CELF4: variants seen among roughly 807,000 people sequenced by gnomAD.
CELF4 encodes the protein CUGBP Elav-like family member 4, also known as CUG-BP- and ETR-3-like factor 4.
Under a neutral mutation model 59.9 loss-of-function variants are expected in CELF4, and 18 were observed. The observed-to-expected ratio is 0.30, with a 90% confidence interval of 0.21 to 0.45. CELF4 has a LOEUF of 0.45. Ranked by LOEUF, CELF4 falls within the 20% of genes least tolerant of loss-of-function variation. CELF4 has a pLI of 1.00. For missense variants in CELF4, 456 were observed against 689.0 expected (o/e 0.66, Z 3.79); for synonymous variants, 261 against 267.1 (o/e 0.98, Z 0.22).
At chr18:37,312,726 G>A (rs949309000) in intron 3 of CELF4, among the ~76,000 whole-genome samples, 2 of 152,160 alleles carry the variant, frequency 1.3e-5, no homozygotes, top group African/African-American at 4.8e-5. Context: ...TAGGGTAGGG[G>A]TAGGGTAGAC....
intron 2 of CELF4, among the ~76,000 whole-genome samples, chr18:37,387,080 G>A (rs1174664570): frequency 5.3e-5 from 8 of 152,242 alleles, no homozygotes; most frequent in Non-Finnish European, 1.2e-4. Flanking sequence ...TGGCCTCAGT[G>A]GAGGATGTGG....
chr18:37,282,291 A>G (rs1165048865), intron 3 of CELF4, among the ~76,000 whole-genome samples: 1 of 152,130 alleles, frequency 6.6e-6, no homozygotes, highest in Non-Finnish European at 1.5e-5. Context: ...CAGTCAGAGA[A>G]GCCAACAGCA....
At chr18:37,399,927 G>A (rs1429568331) in intron 2 of CELF4, among the ~76,000 whole-genome samples, 2 of 152,206 alleles carry the variant, frequency 1.3e-5, no homozygotes, top group African/African-American at 2.4e-5. Flanking sequence ...GAGCCTCACT[G>A]ATTTAGGTCC....
At chr18:37,261,442 G>T (rs898347139) in intron 10 of CELF4, among the ~76,000 whole-genome samples, 1 of 152,214 alleles carries the variant, frequency 6.6e-6, no homozygotes, top group African/African-American at 2.4e-5. Flanking sequence ...CACATGCGCG[G>T]TGTGTGGCGG....
Position 37,275,260 on chromosome 18 carries a change from A to T in CELF4, c.449-17T>A. 6.2e-7 allele frequency: 1 copy of T among 1,611,740 alleles called. No individual in the cohort carries two copies. The highest frequency in any genetic ancestry group is 8.5e-7 in the Non-Finnish European group (1 of 1,179,116). ...TTCTATCTTCTAGAACAAAATTAGG[A>T]GATGCTTACCCGGGCCAGGGACCGG... is the stretch of plus-strand genomic sequence containing the variant. On this transcript the variant is annotated splice_polypyrimidine_tract_variant and intron_variant, in intron 3 of 12. Coordinates refer to ENST00000420428, the MANE Select transcript of CELF4 (RefSeq NM_020180.4).
intron 1 of CELF4, among the ~76,000 whole-genome samples, chr18:37,551,624 C>T (rs1037652009): frequency 2.0e-5 from 3 of 152,150 alleles, no homozygotes; most frequent in Non-Finnish European, 4.4e-5. Context: ...GTGTATTGCT[C>T]GGGATGTTCA....
intron 2 of CELF4, among the ~76,000 whole-genome samples, chr18:37,376,662 G>A (rs2098973206): frequency 6.6e-6 from 1 of 152,176 alleles, no homozygotes; most frequent in Non-Finnish European, 1.5e-5. Context: ...GAATCTTGGG[G>A]TCTGGCCTCA....
intron 1 of CELF4, among the ~76,000 whole-genome samples, chr18:37,503,798 C>T (rs964428187): frequency 6.6e-6 from 1 of 152,182 alleles, no homozygotes; most frequent in African/African-American, 2.4e-5. Context: ...GCAGGGAGTA[C>T]TGAGAGCCGC....
rs74359980 is a variant in CELF4, at chr18:37,447,109, T to A, written c.369+38416A>T. On this transcript the variant is annotated intron_variant, in intron 2 of 12. Coordinates refer to ENST00000420428, the MANE Select transcript of CELF4 (RefSeq NM_020180.4). ...GTGGAATAAGAAAAGAAAAAAAAAATAATCCGATAAAGGGCAGGGTCTCAT... is the reference window on the plus strand; with the variant it reads ...GTGGAATAAGAAAAGAAAAAAAAAAAAATCCGATAAAGGGCAGGGTCTCAT... 1.3e-4 allele frequency among the ~76,000 whole-genome samples: 20 copies of A among 151,736 alleles called. 1 individual carries two copies. Among genetic ancestry groups the A allele is most frequent in the Non-Finnish European group, 2.9e-5 (2 of 67,916 alleles).
At chr18:37,371,873 A>C (rs1377376281) in intron 2 of CELF4, among the ~76,000 whole-genome samples, 1 of 152,212 alleles carries the variant, frequency 6.6e-6, no homozygotes, top group Admixed American at 6.5e-5. Context: ...GAAAGGCCAC[A>C]TGACAAGCCT....
At chr18:37,335,168 A>G (rs1035879196) in intron 2 of CELF4, among the ~76,000 whole-genome samples, 2 of 151,972 alleles carry the variant, frequency 1.3e-5, no homozygotes, top group Non-Finnish European at 2.9e-5. Flanking sequence ...ATTCCAGACA[A>G]CAGCCGCGCA....
chr18:37,508,283 A>G (rs1026461015), intron 1 of CELF4, among the ~76,000 whole-genome samples: 4 of 152,180 alleles, frequency 2.6e-5, no homozygotes, highest in African/African-American at 9.6e-5. Context: ...AGGCAGTGGC[A>G]TGTCTGTGTC....
intron 2 of CELF4, among the ~76,000 whole-genome samples, chr18:37,380,858 C>T (rs2154569372): frequency 6.8e-6 from 1 of 148,112 alleles, no homozygotes; most frequent in East Asian, 2.1e-4. Context: ...ATCCATTTAT[C>T]CATCCATCCA....
chr18:37,544,600 T>C (rs894386934), intron 1 of CELF4, among the ~76,000 whole-genome samples: 1 of 152,214 alleles, frequency 6.6e-6, no homozygotes, highest in African/African-American at 2.4e-5. Context: ...TGTGTGCTTG[T>C]ACGTATGTAT....
chr18:37,383,806 T>G lies in CELF4; in HGVS notation c.370-61925A>C, dbSNP rs2099068778. Among the ~76,000 whole-genome samples, 3 of 152,318 alleles carry G rather than the reference T, an allele frequency of 2.0e-5. No homozygotes were observed. In the South Asian group the frequency reaches 6.2e-4, roughly 32 times the overall value. On this transcript the variant is annotated intron_variant, in intron 2 of 12. Coordinates refer to ENST00000420428, the MANE Select transcript of CELF4 (RefSeq NM_020180.4). ...CTGGGACCAGCCACAGGGCCAGGGC[T>G]CTGGTGGGCTAGTCCAGGGACCCTG...
At chr18:37,504,810 G>GA (rs1406036306) in intron 1 of CELF4, among the ~76,000 whole-genome samples, 1 of 152,226 alleles carries the variant, frequency 6.6e-6, no homozygotes, top group Non-Finnish European at 1.5e-5. Context: ...GAGAGGTGAG[G>GA]TCAGAGCGCT....
chr18:37,534,569 CA>C (rs2099972004), intron 1 of CELF4, among the ~76,000 whole-genome samples: 1 of 152,186 alleles, frequency 6.6e-6, no homozygotes, highest in Admixed American at 6.5e-5. Context: ...AGCAGATAAA[CA>C]GAGAAATCAA....
At chr18:37,367,900 GTTAA>G (rs774496702) in intron 2 of CELF4, among the ~76,000 whole-genome samples, 130 of 152,176 alleles carry the variant, frequency 8.5e-4, no homozygotes, top group Non-Finnish European at 1.3e-3. Context: ...TGCGATTCCA[GTTAA>G]TTGTTTGGCT....
chr18:37,444,780 A>G lies in CELF4; in HGVS notation c.369+40745T>C, dbSNP rs146840317. On this transcript the variant is annotated intron_variant, in intron 2 of 12. Transcript: ENST00000420428. Reference sequence around the variant, plus strand: ...GACAGGCTCAGGAGGGGCCCTCCAGACGAGGCTCCCCATTCCCTTCTGCCT... The same window carrying G: ...GACAGGCTCAGGAGGGGCCCTCCAGGCGAGGCTCCCCATTCCCTTCTGCCT... 4.0e-3 allele frequency among the ~76,000 whole-genome samples: 603 copies of G among 152,166 alleles called. 3 individuals carry two copies. Among genetic ancestry groups the G allele is most frequent in the African/African-American group, 0.014 (570 of 41,524 alleles).
Sources: gnomAD v4.1 joint callset for allele counts (sites outside exome capture counted in the v4.1 genomes callset) on GRCh38, gnomAD v4.1.1 for gene constraint, MANE v1.5 for transcripts, NCBI Gene and HGNC (gene_info 2026-07-23, HGNC 2026-07-21) for gene names.